Variants in ZNF678 observed in about 807,000 individuals in gnomAD.
The protein encoded by ZNF678 is zinc finger protein 678.
A neutral mutation model predicts 3.0 loss-of-function variants in ZNF678; 5 were observed. The ratio of observed to expected loss-of-function variants is 1.69; its 90% CI spans 0.88 to 3.56. The LOEUF is 3.56. Ranked by LOEUF, ZNF678 falls within the 30% of genes most tolerant of loss-of-function variation. The pLI is 0.00. For synonymous variants in ZNF678, 218 were observed against 199.6 expected, an observed-to-expected ratio of 1.09 and a Z score of -0.78; for missense variants, 593 against 605.0, an observed-to-expected ratio of 0.98 and a Z score of 0.21.
chr1:227,634,436 C>T (rs1658624983), intron 1 of ZNF678, among the ~76,000 whole-genome samples: 1 of 152,110 alleles, frequency 6.6e-6, no homozygotes, highest in Non-Finnish European at 1.5e-5. Flanking sequence ...TCCCTGATAC[C>T]AGACTTGATT....
intron 1 of ZNF678, among the ~76,000 whole-genome samples, chr1:227,625,443 T>C (rs564071969): frequency 6.6e-6 from 1 of 152,266 alleles, no homozygotes; most frequent in South Asian, 2.1e-4. Context: ...AGCAGGCCGG[T>C]CCAGGGGTCC....
At chr1:227,677,704 C>T (rs551944019), downstream of ZNF678, among the ~76,000 whole-genome samples, 1 of 152,310 alleles carries the variant, frequency 6.6e-6, no homozygotes, top group South Asian at 2.1e-4. Flanking sequence ...TTCTCACAGG[C>T]AGATAAATAT....
rs1218308490 is a variant in ZNF678, at chr1:227,591,614, A to G, written c.-164+27890A>G. 2.0e-5 allele frequency among the ~76,000 whole-genome samples: 3 copies of G among 152,048 alleles called. No individual in the cohort carries two copies. In the East Asian group the frequency reaches 5.8e-4, roughly 29 times the overall value. On this transcript the variant is annotated intron_variant, in intron 1 of 3. Coordinates refer to ENST00000343776, the MANE Select transcript of ZNF678 (RefSeq NM_001367909.1). ...TTACTCGTATCATTTATGAGCCCCC[A>G]CCAGTCTTCAGTTCTTAATCTTATT...
chr1:227,623,760 T>C (rs967394073), intron 1 of ZNF678, among the ~76,000 whole-genome samples: 16 of 152,234 alleles, frequency 1.1e-4, no homozygotes, highest in Non-Finnish European at 1.2e-4. Context: ...TTAACCTTTT[T>C]CAATCATACT....
At chr1:227,605,146 C>T (rs1033816121) in intron 1 of ZNF678, among the ~76,000 whole-genome samples, 1 of 152,172 alleles carries the variant, frequency 6.6e-6, no homozygotes, top group African/African-American at 2.4e-5. Context: ...TGAGCCACTG[C>T]GCCTGGCCCA....
rs540829878 is a variant in ZNF678 at position 227,657,796 on chromosome 1, G to T, written c.*1968G>T. The T allele has an allele frequency of 5.9e-5, 9 of 152,038 alleles. No homozygotes were observed. The East Asian group carries it at 1.7e-3, about 29-fold the overall frequency. The allele number at this position is 152,038 out of a possible 1,614,324, so 9.4% of individuals were successfully genotyped here. ...ATTGGAACAAAATATAATTTAAAAA[G>T]TATTGGTAATTTACTAGCAAACTAG... On this transcript the variant is annotated 3_prime_UTR_variant, in exon 4 of 4. Coordinates refer to ENST00000343776, the MANE Select transcript of ZNF678 (RefSeq NM_001367909.1).
rs900570198 is a variant in ZNF678, at chr1:227,655,314, G to A, written c.1064G>A (p.Gly355Asp). The A allele has an allele frequency of 6.8e-6, 11 of 1,610,998 alleles. No individual in the cohort carries two copies. In the African/African-American group the frequency reaches 1.2e-4, roughly 18 times the overall value. ...GEKPYKCEEC[G>D]RTFTQFSNLT... ...AAACCCTACAAATGTGAAGAATGTG[G>A]CAGAACCTTTACTCAATTCTCAAAC... The change falls in exon 4 of 4, where the codon GGC becomes GAC. Residue 355 changes from glycine (G) to aspartate (D), a missense_variant. Gly to Asp is a moderately conservative substitution (Grantham distance 94). Transcript: ENST00000343776.
rs192355549 is a variant in ZNF678 at position 227,589,853 on chromosome 1, T to C, written c.-164+26129T>C. Among the ~76,000 whole-genome samples, 3 of 151,944 alleles carry C rather than the reference T, an allele frequency of 2.0e-5. No individual in the cohort carries two copies. The East Asian group carries it at 5.8e-4, about 29-fold the overall frequency. The stretch of plus-strand genomic sequence containing the variant: ...TTCATTTCTGCCTTTTAGTTTTTAC[T>C]TCTTCTTTCTTTGGAAGCAGAAATT... On this transcript the variant is annotated intron_variant, in intron 1 of 3. Coordinates refer to ENST00000343776, the MANE Select transcript of ZNF678 (RefSeq NM_001367909.1).
chr1:227,674,594 C>CTTTT (rs59416359), intron 5 of ZNF678, among the ~76,000 whole-genome samples: 1 of 105,948 alleles, frequency 9.4e-6, no homozygotes. Context: ...TATAATTTTT[C>CTTTT]TTTTTTTTTT....
chr1:227,575,305 T>C (rs1656959588), intron 1 of ZNF678, among the ~76,000 whole-genome samples: 1 of 152,362 alleles, frequency 6.6e-6, no homozygotes, highest in South Asian at 2.1e-4. Context: ...TTAATAGAAA[T>C]AGCATTGAAT....
chr1:227,667,404 T>C (rs1012208993), downstream of ZNF678, among the ~76,000 whole-genome samples: 4 of 152,172 alleles, frequency 2.6e-5, no homozygotes, highest in African/African-American at 9.7e-5. Flanking sequence ...TCTGAGATAA[T>C]AGCTACTGGG....
At chr1:227,599,904 A>G (rs1657692146) in intron 1 of ZNF678, among the ~76,000 whole-genome samples, 1 of 152,090 alleles carries the variant, frequency 6.6e-6, no homozygotes, top group Admixed American at 6.5e-5. Context: ...TGTACAGATT[A>G]TTTCATTACC....
At chr1:227,640,557 A>G (rs567523164) in intron 1 of ZNF678, among the ~76,000 whole-genome samples, 1 of 152,306 alleles carries the variant, frequency 6.6e-6, no homozygotes, top group Non-Finnish European at 1.5e-5. Context: ...AAAAAGGCCC[A>G]GACATAAGGA....
downstream of ZNF678, among the ~76,000 whole-genome samples, chr1:227,663,763 T>C (rs78303879): frequency 5.3e-3 from 802 of 152,304 alleles, 9 homozygotes; most frequent in African/African-American, 0.019. Context: ...CAGACTCCTT[T>C]GGGAAAGAAT....
chr1:227,632,096 C>T (rs1238726291), intron 1 of ZNF678, among the ~76,000 whole-genome samples: 1 of 152,160 alleles, frequency 6.6e-6, no homozygotes. Flanking sequence ...TAGCCATTTA[C>T]AAACTTTGGG....
At chr1:227,581,234 A>G (rs1473139504) in intron 1 of ZNF678, among the ~76,000 whole-genome samples, 2 of 151,872 alleles carry the variant, frequency 1.3e-5, no homozygotes, top group Non-Finnish European at 2.9e-5. Flanking sequence ...TATTATACAT[A>G]TATAAATATA....
chr1:227,643,853 CTTTTCTTTTCT>C (rs1658885222), intron 1 of ZNF678, among the ~76,000 whole-genome samples: 4 of 139,168 alleles, frequency 2.9e-5, no homozygotes, highest in South Asian at 4.5e-4. Flanking sequence ...ATTTTCTTTT[CTTTTCTTTTCT>C]TTTTTTTTTT....
intron 1 of ZNF678, among the ~76,000 whole-genome samples, chr1:227,626,187 C>T (rs551350985): frequency 6.6e-5 from 10 of 152,144 alleles, no homozygotes; most frequent in East Asian, 3.9e-4. Context: ...TGGCGATCTA[C>T]GATTGTAGTT....
intron 1 of ZNF678, among the ~76,000 whole-genome samples, chr1:227,568,577 C>A (rs1369715177): frequency 6.6e-6 from 1 of 152,226 alleles, no homozygotes; most frequent in African/African-American, 2.4e-5. Flanking sequence ...ACAGATCTTT[C>A]ATTTGGCTGT....
Sources: gnomAD v4.1 joint callset for allele counts (sites outside exome capture counted in the v4.1 genomes callset) on GRCh38, gnomAD v4.1.1 for gene constraint, MANE v1.5 for transcripts, NCBI Gene and HGNC (gene_info 2026-07-23, HGNC 2026-07-21) for gene names.